Variants in SCUBE1 observed in about 807,000 individuals in gnomAD.
SCUBE1 encodes signal peptide, CUB and EGF-like domain-containing protein 1.
In SCUBE1, 59 loss-of-function variants were observed where a neutral mutation model predicts 124.4. The observed-to-expected ratio is 0.47, with a 90% CI of 0.38 to 0.59. SCUBE1 has a LOEUF of 0.59. Among genes scored for constraint, SCUBE1 ranks in the 20% least tolerant of loss-of-function variants. The pLI is 0.00. For synonymous variants in SCUBE1, 545 were observed against 550.9 expected, an observed-to-expected ratio of 0.99 and a Z score of 0.15; for missense variants, 1,150 against 1,371.2, an observed-to-expected ratio of 0.84 and a Z score of 2.55.
Position 43,203,860 on chromosome 22 carries a change from A to C in SCUBE1, c.*137T>G. 2 of 916,290 alleles carry C rather than the reference A, an allele frequency of 2.2e-6. No individual in the cohort carries two copies. The highest frequency in any genetic ancestry group is 3.3e-5 in the South Asian group (2 of 60,272). The allele number at this position is 916,290 out of a possible 1,614,324, so 56.8% of individuals were successfully genotyped here. On this transcript the variant is annotated 3_prime_UTR_variant, in exon 22 of 22. Transcript: ENST00000360835. Reference sequence around the variant, plus strand: ...CGAAGGGTGCCTGGGCTCGGTCTCCATGGGCTGGTCGGCTTCCCTGAAGGG... The same window carrying C: ...CGAAGGGTGCCTGGGCTCGGTCTCCCTGGGCTGGTCGGCTTCCCTGAAGGG...
intron 4 of SCUBE1, among the ~76,000 whole-genome samples, chr22:43,284,914 G>A (rs572435503): frequency 1.3e-5 from 2 of 152,228 alleles, no homozygotes; most frequent in Non-Finnish European, 2.9e-5. Context: ...TGTGAACAGT[G>A]GGCTCGAGAC....
chr22:43,228,456 CT>C (rs1922414389), intron 9 of SCUBE1, among the ~76,000 whole-genome samples: 1 of 152,204 alleles, frequency 6.6e-6, no homozygotes, highest in African/African-American at 2.4e-5. Flanking sequence ...TATCACACCC[CT>C]GCTTAAACCC....
At chr22:43,267,046 C>T (rs1263681481) in intron 4 of SCUBE1, among the ~76,000 whole-genome samples, 2 of 152,168 alleles carry the variant, frequency 1.3e-5, no homozygotes, top group Non-Finnish European at 1.5e-5. Flanking sequence ...GTGACAATAT[C>T]GAGGGAGACA....
Position 43,200,797 on chromosome 22 carries a change from A to C in SCUBE1, c.*3200T>G, listed in dbSNP as rs973133989. 6.6e-6 allele frequency: 1 copy of C among 152,304 alleles called. No homozygotes were observed. The highest frequency in any genetic ancestry group is 1.5e-5 in the Non-Finnish European group (1 of 68,092). The allele number at this position is 152,304 out of a possible 1,614,324, so 9.4% of individuals were successfully genotyped here. A position where few individuals can be genotyped will look rare whatever the true frequency, so the allele number is the denominator to read the frequency against. On this transcript the variant is annotated 3_prime_UTR_variant, in exon 22 of 22. Transcript: ENST00000360835. ...GGGCTTGCGAGGGAAAGCAGGATGAAGGCTGGGCCTCGTCTGCACCTGCCC... is the reference window on the plus strand; with the variant it reads ...GGGCTTGCGAGGGAAAGCAGGATGACGGCTGGGCCTCGTCTGCACCTGCCC...
chr22:43,198,166 G>A lies in SCUBE1; in HGVS notation c.*5831C>T. The A allele has an allele frequency of 4.2e-6, 1 of 238,568 alleles. No individual in the cohort carries two copies. The highest frequency in any genetic ancestry group is 8.4e-6 in the Non-Finnish European group (1 of 118,770). The allele number at this position is 238,568 out of a possible 1,614,324, so 14.8% of individuals were successfully genotyped here. On this transcript the variant is annotated 3_prime_UTR_variant, in exon 22 of 22. Transcript: ENST00000360835. ...GGGGATGGAATGTGTGGATATTAGA[G>A]GGTTGAGCCCAGAGCCTGGCACCCA...
chr22:43,248,823 C>G (rs1372333504), intron 6 of SCUBE1, among the ~76,000 whole-genome samples: 1 of 152,210 alleles, frequency 6.6e-6, no homozygotes. Flanking sequence ...AGGGCCTGCC[C>G]TCTCTCTGAG....
intron 3 of SCUBE1, among the ~76,000 whole-genome samples, chr22:43,298,111 C>G (rs1294823481): frequency 6.6e-6 from 1 of 152,264 alleles, no homozygotes; most frequent in Non-Finnish European, 1.5e-5. Context: ...TCTAGCGGCT[C>G]TTGCAAAATT....
At chr22:43,273,810 C>A (rs1207742628) in intron 4 of SCUBE1, among the ~76,000 whole-genome samples, 1 of 151,880 alleles carries the variant, frequency 6.6e-6, no homozygotes, top group African/African-American at 2.4e-5. Flanking sequence ...TGGGCTCAAG[C>A]GATCCTCCCA....
chr22:43,308,269 G>A (rs1926046769), intron 3 of SCUBE1, among the ~76,000 whole-genome samples: 1 of 152,198 alleles, frequency 6.6e-6, no homozygotes, highest in South Asian at 2.1e-4. Context: ...CTTGTACTCT[G>A]ACAGCAAATC....
intron 3 of SCUBE1, among the ~76,000 whole-genome samples, chr22:43,314,192 A>T (rs575742730): frequency 6.1e-4 from 93 of 152,304 alleles, no homozygotes; most frequent in African/African-American, 2.2e-3. Flanking sequence ...CCCACTGGGG[A>T]CAAAACCTTG....
intron 3 of SCUBE1, among the ~76,000 whole-genome samples, chr22:43,309,710 C>A (rs1053868845): frequency 8.5e-5 from 13 of 152,110 alleles, no homozygotes; most frequent in African/African-American, 2.7e-4. Context: ...TGTCCACCCC[C>A]ACACCCAGTC....
chr22:43,288,526 G>A (rs739307), intron 4 of SCUBE1, among the ~76,000 whole-genome samples: 14,045 of 152,034 alleles, frequency 0.092, 1,372 homozygotes, highest in East Asian at 0.5. Context: ...CTGCTCCTTC[G>A]TCCCACCCTT....
intron 2 of SCUBE1, among the ~76,000 whole-genome samples, chr22:43,323,533 T>C (rs1468274053): frequency 6.6e-6 from 1 of 152,066 alleles, no homozygotes; most frequent in East Asian, 1.9e-4. Context: ...TCCATCTGTC[T>C]AAATATTCAA....
chr22:43,319,291 G>A (rs1916917180), intron 3 of SCUBE1, among the ~76,000 whole-genome samples: 1 of 152,106 alleles, frequency 6.6e-6, no homozygotes, highest in Non-Finnish European at 1.5e-5. Flanking sequence ...GGCTGGCCGG[G>A]CAAGGTGGCT....
chr22:43,226,130 C>A (rs1922292354), intron 10 of SCUBE1, among the ~76,000 whole-genome samples: 1 of 152,212 alleles, frequency 6.6e-6, no homozygotes, highest in South Asian at 2.1e-4. Flanking sequence ...GGGTCTGTTC[C>A]AGGTGCTGGG....
chr22:43,238,568 TTC>T (rs1332990089), intron 7 of SCUBE1: 2 of 602,814 alleles, frequency 3.3e-6, no homozygotes, highest in Non-Finnish European at 6.0e-6. Flanking sequence ...TGCAGCCAAA[TTC>T]TCTGACATCA....
At chr22:43,206,401 A>G (rs950380653) in intron 21 of SCUBE1, among the ~76,000 whole-genome samples, 1 of 151,866 alleles carries the variant, frequency 6.6e-6, no homozygotes, top group East Asian at 1.9e-4. Context: ...CCCCCCGCAC[A>G]CACACACGCG....
rs34894363 is a variant in SCUBE1, at chr22:43,211,927, A to G, written c.2221+498T>C. On this transcript the variant is annotated intron_variant, in intron 17 of 21. Transcript: ENST00000360835. The surrounding 1 kb of genome is among the most constrained non-coding windows in gnomAD (Gnocchi z 4.5). ...TGAGAGCCAGGCCACCTGGACAGAC[A>G]GACAGACACTGAGAGGGAGCACGGT... Among the ~76,000 whole-genome samples, 11,494 of 152,188 alleles carry G rather than the reference A, an allele frequency of 0.076. 786 individuals are homozygous for G. The highest frequency in any genetic ancestry group is 0.18 in the African/African-American group (7,263 of 41,484).
chr22:43,264,043 T>G (rs1488324349), intron 4 of SCUBE1, among the ~76,000 whole-genome samples: 4 of 152,166 alleles, frequency 2.6e-5, no homozygotes, highest in African/African-American at 9.7e-5. Context: ...ATTTGCAGTA[T>G]TTACCAATTT....
Sources: allele counts gnomAD v4.1 joint callset (sites outside exome capture counted in the v4.1 genomes callset), GRCh38; gene constraint gnomAD v4.1.1; non-coding constraint Gnocchi (gnomAD v3.1); transcripts MANE v1.5; gene names NCBI Gene and HGNC (gene_info 2026-07-23, HGNC 2026-07-21).